PPP1R12A: variants seen among roughly 807,000 people sequenced by gnomAD.
PPP1R12A encodes protein phosphatase 1 regulatory subunit 12A.
Under a neutral mutation model 139.6 loss-of-function variants are expected in PPP1R12A, and 19 were observed. The ratio of observed to expected loss-of-function variants is 0.14; its 90% CI spans 0.09 to 0.20. The LOEUF (loss-of-function observed/expected upper bound fraction) is 0.20. Ranked by LOEUF, PPP1R12A falls within the 10% of genes least tolerant of loss-of-function variation. The probability of loss-of-function intolerance (pLI) is 1.00; values close to 1 mark genes in which losing one functional copy is unlikely to be tolerated. For missense variants in PPP1R12A, 925 were observed against 1,211.5 expected (o/e 0.76, Z 3.51); for synonymous variants, 427 against 420.6 (o/e 1.02, Z -0.19).
chr12:79,845,165 T>C, intron 3 of PPP1R12A, 137 bp downstream of exon 3: 1 of 637,164 alleles, frequency 1.6e-6, no homozygotes, highest in South Asian at 2.0e-5. Flanking sequence ...AGAAACATAC[T>C]GTACTATTGT....
intron 3 of PPP1R12A, among the ~76,000 whole-genome samples, chr12:79,836,661 C>T (rs938972923): frequency 1.3e-5 from 2 of 152,026 alleles, no homozygotes; most frequent in Non-Finnish European, 2.9e-5. Flanking sequence ...TTTTAAAATA[C>T]TACCGATTAG....
chr12:79,783,617 CTT>C (rs1184182026), intron 22 of PPP1R12A, among the ~76,000 whole-genome samples: 2 of 152,060 alleles, frequency 1.3e-5, no homozygotes, highest in Admixed American at 6.5e-5. Flanking sequence ...CATAGAAACT[CTT>C]TACAAGACCA....
chr12:79,906,898 G>C (rs550757072), intron 1 of PPP1R12A, among the ~76,000 whole-genome samples: 2 of 152,040 alleles, frequency 1.3e-5, no homozygotes, highest in African/African-American at 4.8e-5. Flanking sequence ...TGCCCGCCTC[G>C]GCCTCCCGAG....
At chr12:79,804,947 G>A (rs1255333804) in intron 14 of PPP1R12A, among the ~76,000 whole-genome samples, 1 of 152,166 alleles carries the variant, frequency 6.6e-6, no homozygotes, top group Admixed American at 6.5e-5. Flanking sequence ...GTACATCTAT[G>A]ATTCCATGCC....
At chr12:79,923,277 A>AAAATAAAT (rs948797592) in intron 1 of PPP1R12A, among the ~76,000 whole-genome samples, 1 of 152,192 alleles carries the variant, frequency 6.6e-6, no homozygotes, top group Non-Finnish European at 1.5e-5. Flanking sequence ...TCGTCTCAAA[A>AAAATAAAT]AAATAAATAA....
At chr12:79,848,553 T>C (rs1433813997) in intron 2 of PPP1R12A, among the ~76,000 whole-genome samples, 2 of 152,014 alleles carry the variant, frequency 1.3e-5, no homozygotes, top group African/African-American at 4.8e-5. Context: ...GGAAGGATGT[T>C]AAGAGAAACT....
intron 1 of PPP1R12A, among the ~76,000 whole-genome samples, chr12:79,916,354 G>A (rs1886994673): frequency 7.9e-6 from 1 of 126,478 alleles, no homozygotes; most frequent in Non-Finnish European, 1.6e-5. Context: ...CTAATTCTAA[G>A]AGACTTGGGG....
At position 79,832,418 on chromosome 12, in the gene PPP1R12A, A is replaced by G. The variant is rs750562805; in HGVS notation, c.561T>C (p.Ser187=). ...CATGCCGGACATCATTTATATGACC[A>G]CTATTTAGCCACTGCCTGGCATCTC... ...MLRDARQWLN[S]GHINDVRHAK... Residue 187 remains serine (S), a synonymous_variant, in exon 4 of 25, where the codon AGT becomes AGC. Coordinates refer to ENST00000450142, the MANE Select transcript of PPP1R12A (RefSeq NM_002480.3). The G allele has an allele frequency of 6.2e-6, 10 of 1,613,632 alleles. No homozygotes were observed. The South Asian group carries it at 1.1e-4, about 18-fold the overall frequency.
At chr12:79,896,800 C>A (rs1260477556) in intron 1 of PPP1R12A, among the ~76,000 whole-genome samples, 1 of 152,186 alleles carries the variant, frequency 6.6e-6, no homozygotes, top group Non-Finnish European at 1.5e-5. Context: ...GGCACCAACT[C>A]ACAGCATAAA....
chr12:79,811,733 C>T (rs548306491), intron 9 of PPP1R12A, among the ~76,000 whole-genome samples: 1 of 151,998 alleles, frequency 6.6e-6, no homozygotes, highest in Non-Finnish European at 1.5e-5. Context: ...GGGACAATGA[C>T]TTTTTTTTAT....
chr12:79,812,649 A>T (rs1239108201), intron 9 of PPP1R12A, among the ~76,000 whole-genome samples: 1 of 151,868 alleles, frequency 6.6e-6, no homozygotes. Context: ...TCCAGTCCTA[A>T]TTTTACCTGT....
At chr12:79,887,894 A>C (rs1476510428) in intron 1 of PPP1R12A, among the ~76,000 whole-genome samples, 2 of 152,210 alleles carry the variant, frequency 1.3e-5, no homozygotes, top group Non-Finnish European at 2.9e-5. Context: ...TTAACCTCTT[A>C]AAGTCACTGA....
intron 1 of PPP1R12A, among the ~76,000 whole-genome samples, chr12:79,933,080 GT>G (rs1888368557): frequency 1.3e-5 from 2 of 151,984 alleles, no homozygotes; most frequent in Admixed American, 1.3e-4. Context: ...CAACACCATG[GT>G]TTTAAAATTT....
intron 18 of PPP1R12A, among the ~76,000 whole-genome samples, chr12:79,794,506 T>C (rs1259061475): frequency 6.6e-6 from 1 of 151,752 alleles, no homozygotes; most frequent in Non-Finnish European, 1.5e-5. Flanking sequence ...AGTAATTAAG[T>C]AAAATTAAAA....
At chr12:79,912,692 TAAA>T (rs77850230) in intron 1 of PPP1R12A, among the ~76,000 whole-genome samples, 3 of 134,300 alleles carry the variant, frequency 2.2e-5, no homozygotes, top group Admixed American at 7.5e-5. Flanking sequence ...AAGCCTGATT[TAAA>T]AAAAAAAAAA....
At chr12:79,808,038 A>AAAAAAT (rs1165825036) in intron 11 of PPP1R12A, among the ~76,000 whole-genome samples, 17 of 151,894 alleles carry the variant, frequency 1.1e-4, no homozygotes, top group East Asian at 5.8e-4. Context: ...TCTGTCTCAA[A>AAAAAAT]AAAAATAAAA....
At position 79,927,171 on chromosome 12, in the gene PPP1R12A, G is replaced by A. The variant is rs998674122; in HGVS notation, c.237+7524C>T. Among the ~76,000 whole-genome samples the A allele has an allele frequency of 3.3e-5, 5 of 152,114 alleles. No homozygotes were observed. In the East Asian group the frequency reaches 9.6e-4, roughly 29 times the overall value. ...CCACTGCACTCCAGCCATGGTGACAGAGTCTGTCACCCTGTCTCAAAACAC... is the reference window on the plus strand; with the variant it reads ...CCACTGCACTCCAGCCATGGTGACAAAGTCTGTCACCCTGTCTCAAAACAC... On this transcript the variant is annotated intron_variant, in intron 1 of 24. Transcript: ENST00000450142.
chr12:79,877,092 G>C (rs1359251614), intron 1 of PPP1R12A, among the ~76,000 whole-genome samples: 1 of 152,136 alleles, frequency 6.6e-6, no homozygotes, highest in African/African-American at 2.4e-5. Flanking sequence ...CACAAATTTT[G>C]TGGCTGTGAA....
At chr12:79,867,459 A>G (rs190231353) in intron 2 of PPP1R12A, among the ~76,000 whole-genome samples, 64 of 152,232 alleles carry the variant, frequency 4.2e-4, no homozygotes, top group Non-Finnish European at 6.9e-4. Flanking sequence ...CCAGAACTTA[A>G]AAGTATAATA....
Sources: allele counts gnomAD v4.1 joint callset (sites outside exome capture counted in the v4.1 genomes callset), GRCh38; gene constraint gnomAD v4.1.1; transcripts MANE v1.5; gene names NCBI Gene and HGNC (gene_info 2026-07-23, HGNC 2026-07-21).